Variants in ECT2 observed in about 807,000 individuals in gnomAD.
ECT2 encodes protein ECT2.
A neutral mutation model predicts 116.9 loss-of-function variants in ECT2; 61 were observed. That is an observed-to-expected ratio of 0.52 (90% CI 0.42 to 0.65). The LOEUF (loss-of-function observed/expected upper bound fraction) is 0.65, where lower values mean the gene tolerates loss of function less well. ECT2 is among the 30% of genes least tolerant of loss of function. ECT2 has a pLI of 0.00. For missense variants in ECT2, 937 were observed against 1,078.7 expected (o/e 0.87, Z 1.84); for synonymous variants, 358 against 346.4 (o/e 1.03, Z -0.37).
chr3:172,751,451 TA>T (rs1035361299), intron 1 of ECT2, among the ~76,000 whole-genome samples: 11 of 152,342 alleles, frequency 7.2e-5, no homozygotes, highest in Non-Finnish European at 1.2e-4. Flanking sequence ...TCTCTGTTCC[TA>T]CGTTTCTTCA....
At chr3:172,818,418 ATAGAAAATTT>A (rs1730132736) in intron 24 of ECT2, 1 of 477,206 alleles carries the variant, frequency 2.1e-6, no homozygotes, top group Non-Finnish European at 2.8e-6. Flanking sequence ...AATGAATTTT[ATAGAAAATTT>A]TAGAAAATTA....
downstream of ECT2, among the ~76,000 whole-genome samples, chr3:172,824,464 G>A (rs12636336): frequency 0.47 from 71,190 of 151,908 alleles, 19,550 homozygotes; most frequent in East Asian, 0.69. Context: ...AGCACCAGGG[G>A]GATGGTGCTA....
At chr3:172,818,582 G>C in intron 24 of ECT2, 1 of 1,284,388 alleles carries the variant, frequency 7.8e-7, no homozygotes, top group Non-Finnish European at 1.0e-6. Flanking sequence ...AATGTAATTG[G>C]ATTTACTAAG....
Position 172,802,909 on chromosome 3 carries a change from A to G in ECT2, c.2035A>G (p.Ile679Val), listed in dbSNP as rs755660724. ...HRSLVQRVET[I>V]SLGEHPCDRG... ...AAGCTTAGTACAGCGGGTTGAAACA[A>G]TTTCTCTAGGTGAGCACCCCTGTGA... Residue 679 changes from isoleucine (I) to valine (V), a missense_variant, in exon 20 of 25, where the codon ATT becomes GTT. By Grantham distance (29) the Ile-to-Val change is conservative (BLOSUM62 3). Transcript: ENST00000392692. 74 of 1,613,206 alleles carry G rather than the reference A, an allele frequency of 4.6e-5. No individual in the cohort carries two copies. In the Admixed American group the frequency reaches 8.2e-4, roughly 18 times the overall value.
At chr3:172,761,345 A>G (rs1445412821) in intron 7 of ECT2, among the ~76,000 whole-genome samples, 1 of 152,162 alleles carries the variant, frequency 6.6e-6, no homozygotes, top group African/African-American at 2.4e-5. Context: ...TGAAGAAAGG[A>G]GAAATAGAAA....
intron 12 of ECT2, 92 bp from the exon 13 acceptor site, chr3:172,768,915 G>T: frequency 7.3e-7 from 1 of 1,374,170 alleles, no homozygotes; most frequent in Non-Finnish European, 9.8e-7. Flanking sequence ...TATAAGAGTA[G>T]GTTTTCTCTC....
At position 172,769,014 on chromosome 3, in the gene ECT2, A is replaced by G. The variant is rs1720090573; in HGVS notation, c.1299A>G (p.Pro433=). Residue 433 remains proline, a synonymous_variant, in exon 13 of 25, where the codon CCA becomes CCG. Transcript: ENST00000392692. ...PESSINYGDT[P]KSCTKSSKSS... is the part of the protein sequence containing the mutation. Reference sequence around the variant, plus strand: ...CACCTTTTAACGTTTCAGACACCCCAAAGTCTTGTACTAAGTCTTCTAAAA... The same window carrying G: ...CACCTTTTAACGTTTCAGACACCCCGAAGTCTTGTACTAAGTCTTCTAAAA... 6.2e-7 allele frequency: 1 copy of G among 1,607,538 alleles called. No individual in the cohort carries two copies.
intron 14 of ECT2, among the ~76,000 whole-genome samples, chr3:172,774,723 C>T (rs1318878348): frequency 6.6e-6 from 1 of 152,136 alleles, no homozygotes; most frequent in Non-Finnish European, 1.5e-5. Flanking sequence ...AGGCTGGTCT[C>T]AAACTCCTGG....
intron 16 of ECT2, among the ~76,000 whole-genome samples, chr3:172,784,177 A>G (rs1220617501): frequency 6.6e-6 from 1 of 151,882 alleles, no homozygotes; most frequent in Non-Finnish European, 1.5e-5. Context: ...TGCACCGGCC[A>G]ATGTCAGCCT....
At chr3:172,800,485 A>G (rs1469575666) in intron 18 of ECT2, among the ~76,000 whole-genome samples, 3 of 152,148 alleles carry the variant, frequency 2.0e-5, no homozygotes, top group South Asian at 2.1e-4. Flanking sequence ...ATTAGAACAG[A>G]CTTTATTATT....
At chr3:172,814,145 G>A (rs920342550) in intron 22 of ECT2, among the ~76,000 whole-genome samples, 4 of 152,026 alleles carry the variant, frequency 2.6e-5, no homozygotes, top group African/African-American at 9.7e-5. Context: ...AGCAGGCAGA[G>A]GGGATGTGGT....
At position 172,768,989 on chromosome 3, in the gene ECT2, C is replaced by A; in HGVS notation, c.1292-18C>A. 6.4e-7 allele frequency: 1 copy of A among 1,565,196 alleles called. No homozygotes were observed. Among genetic ancestry groups the A allele is most frequent in the Non-Finnish European group, 8.7e-7 (1 of 1,155,160 alleles). ...ATATTTGGCTTCCATTAAATCTTTCCACCTTTTAACGTTTCAGACACCCCA... is the reference window on the plus strand; with the variant it reads ...ATATTTGGCTTCCATTAAATCTTTCAACCTTTTAACGTTTCAGACACCCCA... On this transcript the variant is annotated intron_variant, in intron 12 of 24. Coordinates refer to ENST00000392692, the MANE Select transcript of ECT2 (RefSeq NM_001258315.2).
At chr3:172,800,283 G>T (rs1395284250) in intron 18 of ECT2, among the ~76,000 whole-genome samples, 2 of 152,174 alleles carry the variant, frequency 1.3e-5, no homozygotes, top group African/African-American at 4.8e-5. Context: ...ATGGCCTAGT[G>T]TAATCCTAAG....
intron 23 of ECT2, 149 bp from the exon 24 acceptor site, chr3:172,816,542 C>T (rs1203264307): frequency 1.9e-6 from 1 of 522,154 alleles, no homozygotes; most frequent in African/African-American, 2.0e-5. Flanking sequence ...CTACAAATTT[C>T]CTCACTGTTT....
chr3:172,778,736 C>T (rs1174972384), intron 14 of ECT2, among the ~76,000 whole-genome samples: 1 of 151,856 alleles, frequency 6.6e-6, no homozygotes, highest in African/African-American at 2.4e-5. Flanking sequence ...GCTGGGACTA[C>T]AGGCACGCGC....
At chr3:172,798,315 A>G (rs867289640) in intron 18 of ECT2, among the ~76,000 whole-genome samples, 7 of 152,308 alleles carry the variant, frequency 4.6e-5, no homozygotes, top group African/African-American at 1.7e-4. Context: ...AACTTTCACC[A>G]GCTTTTTAAA....
At chr3:172,796,546 A>G (rs1189201189) in intron 18 of ECT2, 1 of 152,180 alleles carries the variant, frequency 6.6e-6, no homozygotes, top group African/African-American at 2.4e-5. Context: ...CGATACTGCC[A>G]CTGCGCAAAG....
intron 6 of ECT2, 41 bp from the exon 7 acceptor site, chr3:172,760,115 A>G (rs1347493153): frequency 7.1e-7 from 1 of 1,414,478 alleles, no homozygotes; most frequent in Non-Finnish European, 9.7e-7. Flanking sequence ...ATTTTGTTCA[A>G]ATTAACCATA....
At chr3:172,822,139 GGTTA>G (rs1224243776), downstream of ECT2, among the ~76,000 whole-genome samples, 1 of 151,806 alleles carries the variant, frequency 6.6e-6, no homozygotes, top group Non-Finnish European at 1.5e-5. Flanking sequence ...AAGAATCCAA[GGTTA>G]GTTCAATATC....
Sources: gnomAD v4.1 joint callset for allele counts (sites outside exome capture counted in the v4.1 genomes callset) on GRCh38, gnomAD v4.1.1 for gene constraint, MANE v1.5 for transcripts, NCBI Gene and HGNC (gene_info 2026-07-23, HGNC 2026-07-21) for gene names.